The following MBD4 variants were observed in gnomAD, a reference collection of about 807,000 sequenced individuals.
MBD4 encodes the protein methyl-CpG binding domain 4, DNA glycosylase, also known as methyl-CpG-binding domain protein 4.
In MBD4, 53 loss-of-function variants were observed where a neutral mutation model predicts 60.2. That is an observed-to-expected ratio of 0.88 (90% CI 0.71 to 1.11). MBD4 has a LOEUF of 1.11. Ranked by LOEUF, MBD4 falls within the 50% of genes least tolerant of loss-of-function variation. The pLI is 0.00. For synonymous variants in MBD4, 231 were observed against 229.8 expected, an observed-to-expected ratio of 1.01 and a Z score of -0.05; for missense variants, 619 against 674.0, an observed-to-expected ratio of 0.92 and a Z score of 0.90.
chr3:129,433,517 G>T, intron 5 of MBD4: 3 of 589,146 alleles, frequency 5.1e-6, no homozygotes, highest in Middle Eastern at 4.6e-4. Flanking sequence ...AGCAGATAAT[G>T]AGAGTAGAAG....
chr3:129,438,740 T>C (rs943767047), intron 1 of MBD4, among the ~76,000 whole-genome samples: 1 of 149,216 alleles, frequency 6.7e-6, no homozygotes, highest in Non-Finnish European at 1.5e-5. Context: ...ATCCTCGTCT[T>C]TGCAAAAAAT....
At position 129,433,008 on chromosome 3, in the gene MBD4, A is replaced by G; in HGVS notation, c.1543+90T>C. 2.6e-6 allele frequency: 4 copies of G among 1,527,296 alleles called. No homozygotes were observed. The South Asian group carries it at 3.4e-5, about 13-fold the overall frequency. 94.6% of individuals were successfully genotyped at this position (1,527,296 alleles called of 1,614,324 possible). On this transcript the variant is annotated intron_variant, in intron 6 of 7. Coordinates refer to ENST00000429544, the MANE Select transcript of MBD4 (RefSeq NM_001276270.2). Reference sequence around the variant, plus strand: ...CTTGAGCTGAAAAACCTCCATTAATATAGTATCTGAGAACATTAAAGTTTA... The same window carrying G: ...CTTGAGCTGAAAAACCTCCATTAATGTAGTATCTGAGAACATTAAAGTTTA...
In MBD4 at chr3:129,437,875, T is replaced by C. The variant is rs1401788862; in HGVS notation, c.180A>G (p.Glu60=). ...EEQMMIKRSS[E]CNPLLQEPIA... is the part of the protein sequence containing the mutation. Reference sequence around the variant, plus strand: ...TGGGTTCTTGTAGCAAGGGATTACATTCACTGCTTCTTTTTATCATCATTT... The same window carrying C: ...TGGGTTCTTGTAGCAAGGGATTACACTCACTGCTTCTTTTTATCATCATTT... The change falls in exon 2 of 8, where the codon GAA becomes GAG. Residue 60 remains glutamate, a synonymous_variant. Coordinates refer to ENST00000429544, the MANE Select transcript of MBD4 (RefSeq NM_001276270.2). 3.7e-6 allele frequency: 6 copies of C among 1,613,998 alleles called. No individual in the cohort carries two copies. The highest frequency in any genetic ancestry group is 5.1e-6 in the Non-Finnish European group (6 of 1,179,948).
intron 7 of MBD4, 49 bp from the exon 8 acceptor site, chr3:129,431,627 C>T: frequency 7.5e-7 from 1 of 1,337,050 alleles, no homozygotes; most frequent in South Asian, 1.2e-5. Flanking sequence ...GTAACTTAGT[C>T]AGAAATACAT....
chr3:129,432,648 A>C, intron 6 of MBD4, 42 bp from the exon 7 acceptor site: 1 of 1,588,520 alleles, frequency 6.3e-7, no homozygotes, highest in Non-Finnish European at 8.6e-7. Context: ...CAGCTTCTAA[A>C]GACACCCTCC....
intron 3 of MBD4, among the ~76,000 whole-genome samples, 193 bp downstream of exon 3, chr3:129,436,268 A>G (rs1364539725): frequency 6.6e-6 from 1 of 152,178 alleles, no homozygotes; most frequent in Non-Finnish European, 1.5e-5. Context: ...CTGCCATAGG[A>G]AACTGCTTGA....
Position 129,436,957 on chromosome 3 carries a change from T to C in MBD4, c.687A>G (p.Arg229=). ...AAATAGTCACCTTTCCTTTGGGCTT[T>C]CTAACCTTTCTGAAGTTAACATCAT... ...GVDDVNFRKV[R]KPKGKVTILK... Residue 229 remains arginine, a synonymous_variant, in exon 3 of 8, where the codon AGA becomes AGG. Transcript: ENST00000429544. The C allele has an allele frequency of 1.2e-6, 2 of 1,614,224 alleles. No individual in the cohort carries two copies. The highest frequency in any genetic ancestry group is 3.3e-5 in the Admixed American group (2 of 60,030).
At chr3:129,437,564 A>G (rs1419327705) in intron 2 of MBD4, among the ~76,000 whole-genome samples, 156 bp downstream of exon 2, 8 of 152,234 alleles carry the variant, frequency 5.3e-5, no homozygotes, top group Non-Finnish European at 7.3e-5. Flanking sequence ...AATTTTCCCC[A>G]AATCACTTGA....
rs2005619 is a variant in MBD4 at position 129,432,560 on chromosome 3, C to T, written c.1590G>A (p.Gly530=). The T allele has an allele frequency of 7.5e-4, 1,216 of 1,614,132 alleles. 8 individuals are homozygous for T. The African/African-American group carries it at 0.015, about 19-fold the overall frequency. Residue 530 remains glycine, a synonymous_variant, in exon 7 of 8, where the codon GGG becomes GGA. Coordinates refer to ENST00000429544, the MANE Select transcript of MBD4 (RefSeq NM_001276270.2). ...AAGAGTCGTTGCCATATTTACCAAT[C>T]CCATGAAGCTCAATTGGATACTTCC... is the stretch of plus-strand genomic sequence containing the variant. ...KQWKYPIELH[G]IGKYGNDSYR...
At position 129,439,924 on chromosome 3, in the gene MBD4, A is replaced by T; in HGVS notation, c.-91T>A. The T allele has an allele frequency of 1.1e-6, 1 of 936,548 alleles. No homozygotes were observed. Among genetic ancestry groups the T allele is most frequent in the Non-Finnish European group, 1.7e-6 (1 of 586,354 alleles). 58.0% of individuals were successfully genotyped at this position (936,548 alleles called of 1,614,324 possible). ...ATGTGAAACCTCTTCAGCTCACGGC[A>T]CCGGGCTGCAACCGAGGTCTGAATG... On this transcript the variant is annotated 5_prime_UTR_variant, in exon 1 of 8. Coordinates refer to ENST00000429544, the MANE Select transcript of MBD4 (RefSeq NM_001276270.2).
chr3:129,433,826 C>A lies in MBD4; in HGVS notation c.1393+24G>T, dbSNP rs776762621. The A allele has an allele frequency of 9.3e-6, 15 of 1,613,664 alleles. No homozygotes were observed. In the East Asian group the frequency reaches 3.3e-4, roughly 36 times the overall value. On this transcript the variant is annotated intron_variant, in intron 5 of 7. Coordinates refer to ENST00000429544, the MANE Select transcript of MBD4 (RefSeq NM_001276270.2). The stretch of plus-strand genomic sequence containing the variant: ...CCCTACCACACTGTCTCTACTAAGA[C>A]AAAGATGATAATAATCCCCAAACCT...
chr3:129,436,864 A>G lies in MBD4; in HGVS notation c.780T>C (p.Ser260=). Residue 260 remains serine, a synonymous_variant, in exon 3 of 8, where the codon AGT becomes AGC. Coordinates refer to ENST00000429544, the MANE Select transcript of MBD4 (RefSeq NM_001276270.2). ...TACACACAGATTCTCTTTTGCTATC[A>G]CTTTGAACAAAACCTGAACAGCTCT... ...CRKSCSGFVQ[S]DSKRESVCNK... is the part of the protein sequence containing the mutation. The G allele has an allele frequency of 6.2e-7, 1 of 1,614,110 alleles. No individual in the cohort carries two copies. Among genetic ancestry groups the G allele is most frequent in the South Asian group, 1.1e-5 (1 of 91,080 alleles).
chr3:129,436,279 A>G (rs1057454694), intron 3 of MBD4, among the ~76,000 whole-genome samples, 182 bp downstream of exon 3: 1 of 152,224 alleles, frequency 6.6e-6, no homozygotes, highest in Admixed American at 6.5e-5. Flanking sequence ...AACTGCTTGA[A>G]TATCAGTTTA....
In MBD4 at chr3:129,436,614, G is replaced by GT; in HGVS notation, c.1029dup (p.His344ThrfsTer6). 6.2e-7 allele frequency: 1 copy of GT among 1,614,084 alleles called. No individual in the cohort carries two copies. Among genetic ancestry groups the GT allele is most frequent in the Non-Finnish European group, 8.5e-7 (1 of 1,180,004 alleles). Reference sequence around the variant, plus strand: ...AAGGTATCCTCATACTTCTCGTTGTGTTCTGAGTCTTTGGCTGAACAAAAT... The same window carrying GT: ...AAGGTATCCTCATACTTCTCGTTGTGTTTCTGAGTCTTTGGCTGAACAAAAT... On this transcript the variant is annotated frameshift_variant, in exon 3 of 8. Coordinates refer to ENST00000429544, the MANE Select transcript of MBD4 (RefSeq NM_001276270.2). LOFTEE classifies it high-confidence loss of function.
chr3:129,434,439 A>G (rs1372770873), intron 3 of MBD4, among the ~76,000 whole-genome samples: 1 of 152,192 alleles, frequency 6.6e-6, no homozygotes, highest in Non-Finnish European at 1.5e-5. Flanking sequence ...CTCACCTTTA[A>G]CCACTCTGTG....
At chr3:129,433,326 C>T in intron 5 of MBD4, 79 bp from the exon 6 acceptor site, 2 of 1,501,374 alleles carry the variant, frequency 1.3e-6, no homozygotes, top group Non-Finnish European at 1.8e-6. Flanking sequence ...TCATAGAAAT[C>T]TCATCCAGAG....
At position 129,434,207 on chromosome 3, in the gene MBD4, A is replaced by G. The variant is rs2072414486; in HGVS notation, c.1184-71T>C. ...AAAGCAATATTGAGGGATGCAAATA[A>G]TAATATCAACACTATTACAAAGCAT... On this transcript the variant is annotated intron_variant, in intron 3 of 7. Transcript: ENST00000429544. The G allele has an allele frequency of 6.8e-6, 8 of 1,181,052 alleles. No individual in the cohort carries two copies. In the Admixed American group the frequency reaches 1.4e-4, roughly 20 times the overall value. 73.2% of individuals were successfully genotyped at this position (1,181,052 alleles called of 1,614,324 possible).
Position 129,439,944 on chromosome 3 carries a change from T to G in MBD4, c.-111A>C. The G allele has an allele frequency of 2.3e-6, 2 of 856,108 alleles. No homozygotes were observed. The highest frequency in any genetic ancestry group is 2.8e-5 in the South Asian group (2 of 70,196). The allele number at this position is 856,108 out of a possible 1,614,324, so 53.0% of individuals were successfully genotyped here. On this transcript the variant is annotated 5_prime_UTR_variant, in exon 1 of 8. Coordinates refer to ENST00000429544, the MANE Select transcript of MBD4 (RefSeq NM_001276270.2). Reference sequence around the variant, plus strand: ...ACGGCACCGGGCTGCAACCGAGGTCTGAATGTTGCGAAAGCGCCCCAGACG... The same window carrying G: ...ACGGCACCGGGCTGCAACCGAGGTCGGAATGTTGCGAAAGCGCCCCAGACG...
At chr3:129,436,332 A>C (rs2072459742) in intron 3 of MBD4, 129 bp downstream of exon 3, 1 of 1,128,458 alleles carries the variant, frequency 8.9e-7, no homozygotes, top group African/African-American at 1.5e-5. Flanking sequence ...ATTTGGCCCT[A>C]TTTCTTGGCT....
Sources: gnomAD v4.1 joint callset for allele counts (sites outside exome capture counted in the v4.1 genomes callset) on GRCh38, gnomAD v4.1.1 for gene constraint, MANE v1.5 for transcripts, NCBI Gene and HGNC (gene_info 2026-07-23, HGNC 2026-07-21) for gene names.